Variants in NHSL2 observed in about 807,000 individuals in gnomAD.
NHSL2 encodes NHS like 2.
A neutral mutation model predicts 53.4 loss-of-function variants in NHSL2; 27 were observed. That is an observed-to-expected ratio of 0.51 (90% confidence interval 0.37 to 0.70). The LOEUF (loss-of-function observed/expected upper bound fraction) is 0.70, where lower values mean the gene tolerates loss of function less well. Ranked by LOEUF, NHSL2 falls within the 30% of genes least tolerant of loss-of-function variation. NHSL2 has a pLI of 0.00. For synonymous variants in NHSL2, 408 were observed against 404.1 expected, an observed-to-expected ratio of 1.01 and a Z score of -0.12; for missense variants, 892 against 980.1, an observed-to-expected ratio of 0.91 and a Z score of 1.20.
At chrX:72,102,901 G>T (rs187340993) in intron 1 of NHSL2, among the ~76,000 whole-genome samples, 2 of 111,956 alleles carry the variant, frequency 1.8e-5, no homozygotes, top group African/African-American at 3.3e-5. Context: ...AGGGTGACTC[G>T]TGACAGCTCC....
At chrX:72,118,242 A>C (rs1188625083) in intron 1 of NHSL2, among the ~76,000 whole-genome samples, 2 of 111,694 alleles carry the variant, frequency 1.8e-5, no homozygotes, top group East Asian at 5.6e-4. Flanking sequence ...GCATCTTTTC[A>C]TGTGCTTGTT....
At chrX:71,923,632 G>A (rs922835320) in intron 1 of NHSL2, among the ~76,000 whole-genome samples, 11 of 111,775 alleles carry the variant, frequency 9.8e-5, no homozygotes, top group African/African-American at 2.9e-4. Flanking sequence ...GCTTTAACTC[G>A]CCCCATCTGC....
At position 72,134,044 on chromosome X, in the gene NHSL2, C is replaced by T. The variant is rs1227508923; in HGVS notation, c.437-47C>T. The T allele has an allele frequency of 9.7e-5, 111 of 1,149,016 alleles. 1 individual carries two copies. The highest frequency in any genetic ancestry group is 2.6e-5 in the Admixed American group (1 of 38,127). 94.7% of individuals were successfully genotyped at this position (1,149,016 alleles called of 1,213,427 possible). A position where few individuals can be genotyped will look rare whatever the true frequency, so the allele number is the denominator to read the frequency against. On this transcript the variant is annotated intron_variant, in intron 2 of 7. Transcript: ENST00000633930. ...CATGGCCCTTCCCCGGCCCAGCGCTCGGCCATGGCACCCTAGAGTGTGTGT... is the reference window on the plus strand; with the variant it reads ...CATGGCCCTTCCCCGGCCCAGCGCTTGGCCATGGCACCCTAGAGTGTGTGT...
chrX:72,044,587 C>A, intron 1 of NHSL2: 6 of 1,064,217 alleles, frequency 5.6e-6, no homozygotes, highest in Non-Finnish European at 7.8e-6. Context: ...CAAAAAGGGC[C>A]GCGGCCACGT....
intron 1 of NHSL2, among the ~76,000 whole-genome samples, chrX:72,097,838 T>G (rs920570971): frequency 8.9e-6 from 1 of 112,381 alleles, no homozygotes; most frequent in African/African-American, 3.2e-5. Flanking sequence ...GATTTTTAAC[T>G]GCAGGTGGCA....
chrX:71,990,058 C>T (rs1210129120), intron 1 of NHSL2, among the ~76,000 whole-genome samples: 1 of 112,447 alleles, frequency 8.9e-6, no homozygotes, highest in Non-Finnish European at 1.9e-5. Flanking sequence ...CGGTCATAGA[C>T]ACATGTGGGA....
chrX:71,979,007 C>T (rs1290333493), intron 1 of NHSL2, among the ~76,000 whole-genome samples: 2 of 103,808 alleles, frequency 1.9e-5, no homozygotes, highest in Non-Finnish European at 3.9e-5. Flanking sequence ...TGAGAACATG[C>T]GGTGTTTGGT....
chrX:71,914,142 G>A (rs1387347699), intron 1 of NHSL2, among the ~76,000 whole-genome samples: 1 of 112,402 alleles, frequency 8.9e-6, no homozygotes, highest in African/African-American at 3.2e-5. Context: ...GTGGATCTGT[G>A]GCAGTTGCCA....
chrX:71,963,014 A>G (rs775597070), intron 1 of NHSL2, among the ~76,000 whole-genome samples: 1 of 109,864 alleles, frequency 9.1e-6, no homozygotes, highest in East Asian at 2.9e-4. Context: ...GAGATTTGTC[A>G]ATTTTGTTAA....
At chrX:72,133,021 G>T (rs2042321591) in intron 2 of NHSL2, among the ~76,000 whole-genome samples, 1 of 112,651 alleles carries the variant, frequency 8.9e-6, no homozygotes, top group Admixed American at 9.3e-5. Flanking sequence ...AAAGCAAGAT[G>T]CCAAGGGACA....
chrX:72,148,269 C>T lies in NHSL2; in HGVS notation c.*4695C>T, dbSNP rs1229003491. Reference sequence around the variant, plus strand: ...AAAGGTGAAACTGTCCAATCCATGTCCAATCAATGTCAGTCGTCCAGTATT... The same window carrying T: ...AAAGGTGAAACTGTCCAATCCATGTTCAATCAATGTCAGTCGTCCAGTATT... On this transcript the variant is annotated 3_prime_UTR_variant, in exon 8 of 8. Transcript: ENST00000633930. The T allele has an allele frequency of 8.9e-6, 1 of 112,061 alleles. No individual in the cohort carries two copies. The highest frequency in any genetic ancestry group is 2.8e-4 in the East Asian group (1 of 3,560). The allele number at this position is 112,061 out of a possible 1,213,427, so 9.2% of individuals were successfully genotyped here.
At chrX:71,990,597 C>G (rs2042023069) in intron 1 of NHSL2, among the ~76,000 whole-genome samples, 1 of 111,228 alleles carries the variant, frequency 9.0e-6, no homozygotes, top group Non-Finnish European at 1.9e-5. Flanking sequence ...CACATTCACC[C>G]TTTCTCCTTT....
chrX:71,938,659 A>G, intron 1 of NHSL2, among the ~76,000 whole-genome samples: 1 of 112,628 alleles, frequency 8.9e-6, no homozygotes, highest in Non-Finnish European at 1.9e-5. Context: ...ACATAGCTCG[A>G]CTCTGGTTCT....
At chrX:72,142,087 C>T in intron 6 of NHSL2, 145 bp from the exon 7 acceptor site, 2 of 434,794 alleles carry the variant, frequency 4.6e-6, no homozygotes, top group Admixed American at 4.3e-5. Context: ...CTTCATATTC[C>T]TCCTCTGCAA....
chrX:72,065,166 A>G (rs1400944648), intron 1 of NHSL2, among the ~76,000 whole-genome samples: 1 of 111,935 alleles, frequency 8.9e-6, no homozygotes, highest in Non-Finnish European at 1.9e-5. Context: ...CAGAGGGATC[A>G]TCAAGGAGCA....
intron 1 of NHSL2, among the ~76,000 whole-genome samples, chrX:72,061,460 G>T (rs1035072197): frequency 9.0e-6 from 1 of 111,648 alleles, no homozygotes; most frequent in African/African-American, 3.3e-5. Flanking sequence ...TGGTGAAATT[G>T]TTATGAGGTT....
rs1556380542 is a variant in NHSL2, at chrX:72,148,835, A to AGAGTGTGT, written c.*5262_*5263insAGTGTGTG. 7.9e-5 allele frequency: 2 copies of AGAGTGTGT among 25,464 alleles called. No homozygotes were observed. The highest frequency in any genetic ancestry group is 1.9e-4 in the African/African-American group (2 of 10,443). 2.1% of individuals were successfully genotyped at this position (25,464 alleles called of 1,213,427 possible). A position where few individuals can be genotyped will look rare whatever the true frequency, so the allele number is the denominator to read the frequency against. On this transcript the variant is annotated 3_prime_UTR_variant, in exon 8 of 8. Transcript: ENST00000633930. ...GAGAGGGAGAAAGAGAGAGAGAGAG[A>AGAGTGTGT]GTGTATGTGTGTGTGTGTGTGTGTG...
At chrX:71,936,950 C>T in intron 1 of NHSL2, among the ~76,000 whole-genome samples, 1 of 111,913 alleles carries the variant, frequency 8.9e-6, no homozygotes, top group Middle Eastern at 4.6e-3. Context: ...ATGCAGACAG[C>T]AACCCCTTGA....
At position 72,009,577 on chromosome X, in the gene NHSL2, T is replaced by C. The variant is rs780907025; in HGVS notation, c.280+98210T>C. Among the ~76,000 whole-genome samples, 62 of 112,933 alleles carry C rather than the reference T, an allele frequency of 5.5e-4. 1 individual carries two copies. The highest frequency in any genetic ancestry group is 4.7e-3 in the South Asian group (13 of 2,749). On this transcript the variant is annotated intron_variant, in intron 1 of 7. Coordinates refer to ENST00000633930, the MANE Select transcript of NHSL2 (RefSeq NM_001013627.3). ...ACCTTTTCAGTATGTTTCAGTTTGT[T>C]ACCTTCTCAGTTTGTTACCTTCTCT...
Sources: gnomAD v4.1 joint callset for allele counts (sites outside exome capture counted in the v4.1 genomes callset) on GRCh38, gnomAD v4.1.1 for gene constraint, MANE v1.5 for transcripts, NCBI Gene and HGNC (gene_info 2026-07-23, HGNC 2026-07-21) for gene names.